TRAIP: variants seen among roughly 807,000 people sequenced by gnomAD.
The protein encoded by TRAIP is TRAF interacting protein.
TRAIP carries 37 observed loss-of-function variants against 65.0 expected under a neutral mutation model. That is an observed-to-expected ratio of 0.57 (90% confidence interval 0.44 to 0.75). The LOEUF (loss-of-function observed/expected upper bound fraction) is 0.75, where lower values mean the gene tolerates loss of function less well. Among genes scored for constraint, TRAIP ranks in the 30% least tolerant of loss-of-function variants. The pLI, the probability that TRAIP is intolerant of heterozygous loss-of-function variation, is 0.00. For missense variants in TRAIP, 481 were observed against 579.4 expected, an observed-to-expected ratio of 0.83 and a Z score of 1.74; for synonymous variants, 187 against 219.1, an observed-to-expected ratio of 0.85 and a Z score of 1.29.
intron 11 of TRAIP, 146 bp from the exon 12 acceptor site, chr3:49,830,214 A>C: frequency 1.1e-6 from 1 of 870,916 alleles, no homozygotes; most frequent in Non-Finnish European, 1.8e-6. Flanking sequence ...CAGTGATCCC[A>C]CCCCAAGTGC....
intron 10 of TRAIP, 55 bp downstream of exon 10, chr3:49,839,717 T>C: frequency 2.6e-6 from 4 of 1,515,296 alleles, no homozygotes; most frequent in South Asian, 1.1e-5. Context: ...GTAAAGACTG[T>C]TACCAGAAAG....
At chr3:49,841,174 C>T in intron 7 of TRAIP, 102 bp from the exon 8 acceptor site, 1 of 958,494 alleles carries the variant, frequency 1.0e-6, no homozygotes, top group Non-Finnish European at 1.7e-6. Flanking sequence ...CCCCTCAACT[C>T]ACTCTCATTC....
rs775011081 is a variant in TRAIP, at chr3:49,831,909, C to G, written c.1037+7G>C. 34 of 1,560,218 alleles carry G rather than the reference C, an allele frequency of 2.2e-5. No individual in the cohort carries two copies. Among genetic ancestry groups the G allele is most frequent in the Non-Finnish European group, 3.0e-5 (34 of 1,151,184 alleles). On this transcript the variant is annotated splice_region_variant and intron_variant, in intron 11 of 14. Coordinates refer to ENST00000331456, the MANE Select transcript of TRAIP (RefSeq NM_005879.3). ...GCCCATGGACAGTGCCAGCGACTAT[C>G]ACTCACTGTGACTTCTCTAGGCAAA...
intron 5 of TRAIP, 22 bp downstream of exon 5, chr3:49,843,779 C>T (rs745526164): frequency 1.2e-6 from 2 of 1,605,992 alleles, no homozygotes; most frequent in African/African-American, 1.3e-5. Flanking sequence ...GAATTCTGTA[C>T]CCATAAAACC....
chr3:49,843,950 G>A (rs757866726), intron 4 of TRAIP, 22 bp from the exon 5 acceptor site: 1 of 1,593,882 alleles, frequency 6.3e-7, no homozygotes, highest in South Asian at 1.1e-5. Context: ...GTAGAGGGCG[G>A]AGGAAAGGGA....
intron 14 of TRAIP, 109 bp from the exon 15 acceptor site, chr3:49,829,334 A>G: frequency 6.2e-7 from 1 of 1,611,126 alleles, no homozygotes; most frequent in East Asian, 2.2e-5. Flanking sequence ...GGCGGCGCTG[A>G]TACACAGAAT....
At chr3:49,829,572 T>C (rs765033050) in intron 13 of TRAIP, 45 bp downstream of exon 13, 11 of 1,614,018 alleles carry the variant, frequency 6.8e-6, no homozygotes, top group Non-Finnish European at 8.5e-7. Flanking sequence ...CACCCATTTC[T>C]ACCCAAGAGG....
chr3:49,833,778 C>T (rs1481947758), intron 10 of TRAIP, among the ~76,000 whole-genome samples: 1 of 152,330 alleles, frequency 6.6e-6, no homozygotes, highest in East Asian at 1.9e-4. Context: ...CGCGCCCGGC[C>T]TTGTCTTAGA....
At position 49,840,293 on chromosome 3, in the gene TRAIP, C is replaced by A; in HGVS notation, c.786G>T (p.Lys262Asn). Residue 262 changes from lysine to asparagine, a missense_variant, in exon 9 of 15, where the codon AAG becomes AAT. Transcript: ENST00000331456. Reference protein sequence around the residue: ...SAQKDLQSADKEIMSLKKKLT... With the variant: ...SAQKDLQSADNEIMSLKKKLT... ...CAGGGATGTCCCTCACCATGATTTC[C>A]TTGTCAGCACTCTGTAAGTCCTTCT... The A allele has an allele frequency of 6.2e-7, 1 of 1,614,030 alleles. No individual in the cohort carries two copies. Among genetic ancestry groups the A allele is most frequent in the Non-Finnish European group, 8.5e-7 (1 of 1,179,862 alleles).
chr3:49,833,922 A>G (rs2081758610), intron 10 of TRAIP, among the ~76,000 whole-genome samples: 1 of 151,840 alleles, frequency 6.6e-6, no homozygotes, highest in South Asian at 2.1e-4. Flanking sequence ...TCCTTCCCTC[A>G]CTGGTTGAGG....
intron 10 of TRAIP, among the ~76,000 whole-genome samples, chr3:49,834,416 A>G (rs1454913535): frequency 6.6e-6 from 1 of 152,152 alleles, no homozygotes; most frequent in African/African-American, 2.4e-5. Context: ...CAGAACCCAC[A>G]AGGAGGGGGT....
intron 5 of TRAIP, among the ~76,000 whole-genome samples, chr3:49,842,856 C>T (rs1337251280): frequency 6.6e-6 from 1 of 152,226 alleles, no homozygotes; most frequent in Admixed American, 6.5e-5. Flanking sequence ...GTCCAGTGGT[C>T]TGGGCCTCAT....
rs2081894308 is a variant in TRAIP at position 49,847,440 on chromosome 3, AAGAG to A, written c.240+81_240+84del. The A allele has an allele frequency of 3.6e-6, 3 of 840,108 alleles. No homozygotes were observed. In the African/African-American group the frequency reaches 5.2e-5, roughly 14 times the overall value. The allele number at this position is 840,108 out of a possible 1,614,324, so 52.0% of individuals were successfully genotyped here. A position where few individuals can be genotyped will look rare whatever the true frequency, so the allele number is the denominator to read the frequency against. On this transcript the variant is annotated intron_variant, in intron 3 of 14. Coordinates refer to ENST00000331456, the MANE Select transcript of TRAIP (RefSeq NM_005879.3). ...GAGAAAAGAGAAGAGAAGAGAAGAGAAGAGAAAAAAGAAAAGAAAAGAAAAAAGA... is the reference window on the plus strand; with the variant it reads ...GAGAAAAGAGAAGAGAAGAGAAGAGAAAAAAAGAAAAGAAAAGAAAAAAGA...
intron 1 of TRAIP, among the ~76,000 whole-genome samples, chr3:49,849,792 C>T (rs578030729): frequency 5.7e-4 from 86 of 151,628 alleles, no homozygotes; most frequent in African/African-American, 2.0e-3. Flanking sequence ...AAAATGATAC[C>T]ATCATCCTGG....
At chr3:49,832,492 G>GA (rs11450803) in intron 10 of TRAIP, among the ~76,000 whole-genome samples, 1,955 of 128,470 alleles carry the variant, frequency 0.015, 59 homozygotes, top group African/African-American at 0.05. Context: ...TCCGTCTCAG[G>GA]AAAAAAAAAA....
Position 49,843,760 on chromosome 3 carries a change from C to T in TRAIP, c.408+41G>A, listed in dbSNP as rs777404112. On this transcript the variant is annotated intron_variant, in intron 5 of 14. Transcript: ENST00000331456. ...TGGGGAGTCCAGTTCTGGGGCAATA[C>T]CTCCCTATGAATTCTGTACCCATAA... is the stretch of plus-strand genomic sequence containing the variant. The T allele has an allele frequency of 3.1e-6, 5 of 1,591,346 alleles. No individual in the cohort carries two copies. The South Asian group carries it at 3.3e-5, about 11-fold the overall frequency.
In TRAIP at chr3:49,832,062, G is replaced by T. The variant is rs150250114; in HGVS notation, c.891C>A (p.Ala297=). The change falls in exon 11 of 15, where the codon GCC becomes GCA. Residue 297 remains alanine, a synonymous_variant. Coordinates refer to ENST00000331456, the MANE Select transcript of TRAIP (RefSeq NM_005879.3). ...GGAGCTTCAGATTCACCTCCACAGG[G>T]GCTGGGCTGAAGGCAGAGATGACCT... ...TVDRLVLESP[A]PVEVNLKLRR... 18 of 1,588,592 alleles carry T rather than the reference G, an allele frequency of 1.1e-5. No homozygotes were observed.
At chr3:49,853,297 AC>A (rs1162739569) in intron 1 of TRAIP, among the ~76,000 whole-genome samples, 1 of 152,180 alleles carries the variant, frequency 6.6e-6, no homozygotes, top group African/African-American at 2.4e-5. Flanking sequence ...TTCAATAGCT[AC>A]AACGGAAGCT....
chr3:49,852,270 C>T (rs923761830), intron 1 of TRAIP, among the ~76,000 whole-genome samples: 1 of 148,666 alleles, frequency 6.7e-6, no homozygotes, highest in African/African-American at 2.5e-5. Flanking sequence ...GGGAGGTTGA[C>T]GCAGGAGAAT....
Sources: allele counts gnomAD v4.1 joint callset (sites outside exome capture counted in the v4.1 genomes callset), GRCh38; gene constraint gnomAD v4.1.1; transcripts MANE v1.5; gene names NCBI Gene and HGNC (gene_info 2026-07-23, HGNC 2026-07-21).